KLHDC4: variants seen among roughly 807,000 people sequenced by gnomAD.
KLHDC4 encodes the protein kelch domain containing 4, also known as kelch domain-containing protein 4.
KLHDC4 carries 90 observed loss-of-function variants against 62.4 expected under a neutral mutation model. The ratio of observed to expected loss-of-function variants is 1.44; its 90% CI spans 1.22 to 1.72. The LOEUF (loss-of-function observed/expected upper bound fraction) is 1.72, where lower values mean the gene tolerates loss of function less well. Among genes scored for constraint, KLHDC4 ranks in the 40% most tolerant of loss-of-function variants. The probability of loss-of-function intolerance (pLI) is 0.00; values close to 1 mark genes in which losing one functional copy is unlikely to be tolerated. For missense variants in KLHDC4, 1,025 were observed against 699.7 expected, an observed-to-expected ratio of 1.47 and a Z score of -5.25; for synonymous variants, 386 against 284.4, an observed-to-expected ratio of 1.36 and a Z score of -3.59.
intron 1 of KLHDC4, among the ~76,000 whole-genome samples, chr16:87,764,907 G>T (rs565937925): frequency 6.6e-6 from 1 of 151,970 alleles, no homozygotes; most frequent in Non-Finnish European, 1.5e-5. Flanking sequence ...TAAGAGATGA[G>T]GACATGGAGA....
intron 5 of KLHDC4, among the ~76,000 whole-genome samples, chr16:87,735,677 T>C (rs754874000): frequency 2.0e-4 from 30 of 152,256 alleles, no homozygotes; most frequent in Non-Finnish European, 2.8e-4. Flanking sequence ...CCATTTATAT[T>C]TGAAACCCCA....
At chr16:87,756,598 A>C (rs1244510327) in intron 2 of KLHDC4, 121 bp from the exon 3 acceptor site, 10 of 691,612 alleles carry the variant, frequency 1.4e-5, no homozygotes, top group Non-Finnish European at 2.5e-5. Flanking sequence ...TCCTGAAAGG[A>C]GAGCCTGGCA....
chr16:87,700,737 G>A (rs1270231080), exon 1 of KLHDC4: 1 of 229,948 alleles, frequency 4.3e-6, no homozygotes, highest in Non-Finnish European at 8.2e-6. Context: ...GAGGGCGGAG[G>A]GGAGGAGGAT....
intron 7 of KLHDC4, among the ~76,000 whole-genome samples, chr16:87,723,902 T>C (rs1024368403): frequency 3.9e-5 from 6 of 152,206 alleles, no homozygotes; most frequent in Non-Finnish European, 7.3e-5. Context: ...AGCAGCACAA[T>C]CTTGGCTCAC....
chr16:87,755,061 A>C (rs1597372879), intron 4 of KLHDC4, 133 bp downstream of exon 4: 1 of 582,108 alleles, frequency 1.7e-6, no homozygotes. Flanking sequence ...CAAGTGAGCA[A>C]ACAGCAGAAC....
chr16:87,751,797 G>A (rs983817986), intron 4 of KLHDC4, among the ~76,000 whole-genome samples: 9 of 152,064 alleles, frequency 5.9e-5, no homozygotes, highest in South Asian at 2.1e-4. Context: ...AAGTCGGCCG[G>A]GCACGGTGGC....
intron 9 of KLHDC4, chr16:87,710,921 C>T: frequency 3.0e-6 from 1 of 337,506 alleles, no homozygotes. Flanking sequence ...ATAACACAGG[C>T]TGGTCCACAC....
intron 7 of KLHDC4, among the ~76,000 whole-genome samples, chr16:87,718,371 GTCTCCC>G (rs768351918): frequency 0.034 from 2,799 of 81,376 alleles, 45 homozygotes; most frequent in East Asian, 0.11. Context: ...TCCCTCCACA[GTCTCCC>G]TCTCCCTCTC....
exon 1 of KLHDC4, chr16:87,701,791 G>A (rs1372942415): frequency 3.5e-5 from 16 of 456,714 alleles, no homozygotes; most frequent in South Asian, 1.5e-4. Context: ...TCCTTCTCCC[G>A]TCTGTGCCCC....
intron 8 of KLHDC4, among the ~76,000 whole-genome samples, chr16:87,712,108 C>T (rs2036001451): frequency 6.6e-6 from 1 of 152,172 alleles, no homozygotes; most frequent in Non-Finnish European, 1.5e-5. Flanking sequence ...GTGCCTGCAC[C>T]AGCCCCACCT....
chr16:87,760,204 A>T (rs181852155), intron 2 of KLHDC4, among the ~76,000 whole-genome samples: 25 of 150,948 alleles, frequency 1.7e-4, no homozygotes, highest in African/African-American at 5.8e-4. Context: ...TTCAGGCAAC[A>T]TTACTTATGG....
rs1463986937 is a variant in KLHDC4 at position 87,711,835 on chromosome 16, TGGCCTGCACCAGCCCCCCTTG to T, written c.836-413_836-393del. ...GGGACCCTTCGCCCAGGGGGCTGAG[TGGCCTGCACCAGCCCCCCTTG>T]GGCCTGCACGGGGACCCTCCACCCT... On this transcript the variant is annotated intron_variant, in intron 8 of 11. Transcript: ENST00000270583. Among the ~76,000 whole-genome samples, 5 of 145,576 alleles carry T rather than the reference TGGCCTGCACCAGCCCCCCTTG, an allele frequency of 3.4e-5. No individual in the cohort carries two copies. In the East Asian group the frequency reaches 1.0e-3, roughly 30 times the overall value.
chr16:87,719,811 A>T (rs2037893334), intron 7 of KLHDC4, among the ~76,000 whole-genome samples: 1 of 152,366 alleles, frequency 6.6e-6, no homozygotes, highest in South Asian at 2.1e-4. Context: ...AAGTGTCAAC[A>T]TGGAGGGTGA....
At chr16:87,759,892 G>A (rs886464345) in intron 2 of KLHDC4, among the ~76,000 whole-genome samples, 5 of 152,128 alleles carry the variant, frequency 3.3e-5, no homozygotes, top group South Asian at 2.1e-4. Context: ...AGCCACCAGC[G>A]GCACCAGCCC....
At chr16:87,703,373 C>A (rs1434189815), downstream of KLHDC4, 1 of 152,350 alleles carries the variant, frequency 6.6e-6, no homozygotes, top group Non-Finnish European at 1.5e-5. Context: ...CAGGGCATGT[C>A]TCCCCCAGCC....
At chr16:87,738,492 G>A (rs923929208) in intron 5 of KLHDC4, among the ~76,000 whole-genome samples, 1 of 152,090 alleles carries the variant, frequency 6.6e-6, no homozygotes, top group South Asian at 2.1e-4. Flanking sequence ...GAGCAGAAAA[G>A]TGGAAACAAC....
chr16:87,727,749 A>C (rs572303623), intron 6 of KLHDC4, among the ~76,000 whole-genome samples: 61 of 152,278 alleles, frequency 4.0e-4, no homozygotes, highest in African/African-American at 1.5e-3. Flanking sequence ...GGAGAGCCAA[A>C]CTCATTTTTT....
At chr16:87,741,477 G>A (rs945365859) in intron 5 of KLHDC4, among the ~76,000 whole-genome samples, 8 of 152,152 alleles carry the variant, frequency 5.3e-5, no homozygotes, top group South Asian at 2.1e-4. Context: ...TCCAGGTTGC[G>A]GAATCTAGGT....
chr16:87,761,859 G>A (rs372768346), intron 2 of KLHDC4, 90 bp downstream of exon 2: 5 of 1,212,558 alleles, frequency 4.1e-6, no homozygotes, highest in South Asian at 3.8e-5. Context: ...CAAGTGCCTG[G>A]TCATTTACGA....
Sources: allele counts gnomAD v4.1 joint callset (sites outside exome capture counted in the v4.1 genomes callset), GRCh38; gene constraint gnomAD v4.1.1; transcripts MANE v1.5; gene names NCBI Gene and HGNC (gene_info 2026-07-23, HGNC 2026-07-21).